Variants in RBFOX3 observed in about 807,000 individuals in gnomAD.
The protein encoded by RBFOX3 is RNA binding fox-1 homolog 3, also known as RNA binding protein fox-1 homolog 3.
Under a neutral mutation model 48.7 loss-of-function variants are expected in RBFOX3, and 17 were observed. The ratio of observed to expected loss-of-function variants is 0.35; its 90% CI spans 0.24 to 0.52. The LOEUF is 0.52. Among genes scored for constraint, RBFOX3 ranks in the 20% least tolerant of loss-of-function variants. The probability of loss-of-function intolerance (pLI) is 0.94; values close to 1 mark genes in which losing one functional copy is unlikely to be tolerated. For synonymous variants in RBFOX3, 212 were observed against 209.5 expected (o/e 1.01, Z -0.10); for missense variants, 382 against 497.5 (o/e 0.77, Z 2.21).
chr17:79,112,847 G>C (rs1475963116), intron 5 of RBFOX3, among the ~76,000 whole-genome samples: 1 of 150,648 alleles, frequency 6.6e-6, no homozygotes, highest in African/African-American at 2.4e-5. Context: ...TCTGGGTCCA[G>C]GGAGCGTCCA....
chr17:79,403,348 G>T (rs2063064648), intron 2 of RBFOX3, among the ~76,000 whole-genome samples: 1 of 152,236 alleles, frequency 6.6e-6, no homozygotes. Context: ...TGCCCCTGAG[G>T]TCAGGGATCT....
rs72851335 is a variant in RBFOX3, at chr17:79,369,210, C to G, written c.-174-61386G>C. On this transcript the variant is annotated intron_variant, in intron 2 of 14. Coordinates refer to ENST00000693108, the MANE Select transcript of RBFOX3 (RefSeq NM_001350451.2). ...TGGGTGGGGAGGGGCTGCCCATCAG[C>G]CGGGGTTGACCTGTGGCACCGGGTG... 6.6e-5 allele frequency among the ~76,000 whole-genome samples: 10 copies of G among 152,144 alleles called. No individual in the cohort carries two copies. The East Asian group carries it at 1.9e-3, about 30-fold the overall frequency.
chr17:79,326,735 C>T (rs560305055), intron 2 of RBFOX3, among the ~76,000 whole-genome samples: 10 of 152,280 alleles, frequency 6.6e-5, no homozygotes, highest in African/African-American at 2.2e-4. Context: ...GCCCAGACCT[C>T]CCACCCTCTA....
intron 3 of RBFOX3, among the ~76,000 whole-genome samples, chr17:79,279,923 C>A (rs1471390487): frequency 1.3e-5 from 2 of 152,174 alleles, no homozygotes; most frequent in Non-Finnish European, 2.9e-5. Flanking sequence ...GAGGCACAGT[C>A]CAAGAGGCAC....
chr17:79,539,411 T>C (rs2089342265), intron 1 of RBFOX3, among the ~76,000 whole-genome samples: 1 of 152,198 alleles, frequency 6.6e-6, no homozygotes, highest in South Asian at 2.1e-4. Context: ...TCACATAGTG[T>C]GGAGGCATCT....
the RBFOX3 span, among the ~76,000 whole-genome samples, chr17:79,617,648 TA>T: frequency 2.6e-5 from 4 of 152,226 alleles, no homozygotes; most frequent in Admixed American, 2.6e-4. Flanking sequence ...TGCTTCTCCC[TA>T]AACACCAGCG....
At chr17:79,349,052 A>G (rs1215539572) in intron 2 of RBFOX3, among the ~76,000 whole-genome samples, 1 of 151,880 alleles carries the variant, frequency 6.6e-6, no homozygotes, top group African/African-American at 2.4e-5. Flanking sequence ...TCTTCCCACA[A>G]ATTCAACTCA....
chr17:79,149,088 A>C (rs1178148054), intron 4 of RBFOX3, among the ~76,000 whole-genome samples: 2 of 152,160 alleles, frequency 1.3e-5, no homozygotes, highest in East Asian at 1.9e-4. Flanking sequence ...AAAGCTTAAG[A>C]AGCACAAGGA....
the RBFOX3 span, among the ~76,000 whole-genome samples, chr17:79,620,198 C>T: frequency 6.6e-6 from 1 of 150,652 alleles, no homozygotes; most frequent in African/African-American, 2.4e-5. Context: ...CACATGCACA[C>T]ACGTGCACAT....
intron 4 of RBFOX3, 24 bp from the exon 5 acceptor site, chr17:79,115,772 C>A (rs2033757731): frequency 1.5e-6 from 1 of 661,726 alleles, no homozygotes; most frequent in African/African-American, 1.8e-5. Context: ...GAGAGCAAGG[C>A]CTGGTTAGAA....
In RBFOX3 at chr17:79,214,832, A is replaced by G. The variant is rs373245338; in HGVS notation, c.-34+20934T>C. On this transcript the variant is annotated intron_variant, in intron 4 of 14. Transcript: ENST00000693108. The surrounding 1 kb of genome is among the most constrained non-coding windows in gnomAD (Gnocchi z 4.7). Reference sequence around the variant, plus strand: ...GCGTTTAAACAGCTTCTATTACTCCAGGGCAAACTTTAAAAAACATAATAT... The same window carrying G: ...GCGTTTAAACAGCTTCTATTACTCCGGGGCAAACTTTAAAAAACATAATAT... Among the ~76,000 whole-genome samples, 43 of 152,268 alleles carry G rather than the reference A, an allele frequency of 2.8e-4. No homozygotes were observed. The East Asian group carries it at 8.1e-3, about 29-fold the overall frequency.
At chr17:79,200,957 G>A (rs578106278) in intron 4 of RBFOX3, among the ~76,000 whole-genome samples, 2 of 152,072 alleles carry the variant, frequency 1.3e-5, no homozygotes, top group African/African-American at 2.4e-5. Context: ...CCCTCAATAT[G>A]AGCCTGTCCC....
At chr17:79,661,599 T>C in the RBFOX3 span, among the ~76,000 whole-genome samples, 1 of 152,242 alleles carries the variant, frequency 6.6e-6, no homozygotes, top group Admixed American at 6.5e-5. Context: ...GGCTTGCATT[T>C]CTGGCAGGTG....
chr17:79,610,462 AC>A (rs2093947668), intron 1 of RBFOX3, among the ~76,000 whole-genome samples: 2 of 151,124 alleles, frequency 1.3e-5, no homozygotes, highest in Non-Finnish European at 3.0e-5. Flanking sequence ...CACAGCCACC[AC>A]CACCGCCACC....
intron 1 of RBFOX3, chr17:79,600,145 C>T (rs1019253224): frequency 3.3e-5 from 5 of 152,224 alleles, no homozygotes; most frequent in African/African-American, 1.2e-4. Context: ...ACAAGTGGAG[C>T]CTGCGATGTC....
chr17:79,118,990 A>G (rs373747840), intron 4 of RBFOX3, among the ~76,000 whole-genome samples: 1 of 148,440 alleles, frequency 6.7e-6, no homozygotes, highest in Non-Finnish European at 1.5e-5. Flanking sequence ...AAAAAAAAAA[A>G]AAATAAAGAA....
chr17:79,284,421 C>T (rs549323399), intron 3 of RBFOX3, among the ~76,000 whole-genome samples: 95 of 152,032 alleles, frequency 6.2e-4, no homozygotes, highest in Non-Finnish European at 1.3e-3. Flanking sequence ...ATAACAGCAA[C>T]AAGAAAGTCA....
In RBFOX3 at chr17:79,348,428, T is replaced by C. The variant is rs570519415; in HGVS notation, c.-174-40604A>G. On this transcript the variant is annotated intron_variant, in intron 2 of 14. Coordinates refer to ENST00000693108, the MANE Select transcript of RBFOX3 (RefSeq NM_001350451.2). ...GCTCCAGGCCAAAGCCATAGCCCCA[T>C]GCACAATGATTTGAAACCCCTCACC... Among the ~76,000 whole-genome samples, 5 of 152,232 alleles carry C rather than the reference T, an allele frequency of 3.3e-5. No homozygotes were observed. In the South Asian group the frequency reaches 1.0e-3, roughly 32 times the overall value.
chr17:79,237,162 T>C (rs1026064045), intron 3 of RBFOX3, among the ~76,000 whole-genome samples: 7 of 152,192 alleles, frequency 4.6e-5, no homozygotes, highest in Non-Finnish European at 8.8e-5. Flanking sequence ...TGTGTGCGTA[T>C]TTTTTAAAAC....
Sources: allele counts gnomAD v4.1 joint callset (sites outside exome capture counted in the v4.1 genomes callset), GRCh38; gene constraint gnomAD v4.1.1; non-coding constraint Gnocchi (gnomAD v3.1); transcripts MANE v1.5; gene names NCBI Gene and HGNC (gene_info 2026-07-23, HGNC 2026-07-21).